DENND5B: variants seen among roughly 807,000 people sequenced by gnomAD.
DENND5B encodes DENN domain containing 5B.
A neutral mutation model predicts 140.6 loss-of-function variants in DENND5B; 34 were observed. The ratio of observed to expected loss-of-function variants is 0.24; its 90% confidence interval spans 0.18 to 0.32. The LOEUF (loss-of-function observed/expected upper bound fraction) is 0.32, where lower values mean the gene tolerates loss of function less well. Among genes scored for constraint, DENND5B ranks in the 10% least tolerant of loss-of-function variants. DENND5B has a pLI of 1.00. For missense variants in DENND5B, 1,142 were observed against 1,560.2 expected (o/e 0.73, Z 4.52); for synonymous variants, 551 against 562.1 (o/e 0.98, Z 0.28).
rs539938406 is a variant in DENND5B at position 31,554,999 on chromosome 12, T to C, written c.127+35707A>G. On this transcript the variant is annotated intron_variant, in intron 1 of 20. Coordinates refer to ENST00000389082, the MANE Select transcript of DENND5B (RefSeq NM_144973.4). ...AGCTTTTAACTTCTTTGCCATTGGT[T>C]TGAACTTCCTCCTGTAGCTCAGAGT... Among the ~76,000 whole-genome samples, 12 of 152,356 alleles carry C rather than the reference T, an allele frequency of 7.9e-5. No homozygotes were observed. The East Asian group carries it at 1.3e-3, about 17-fold the overall frequency.
intron 8 of DENND5B, chr12:31,432,000 T>C: frequency 5.4e-6 from 5 of 934,076 alleles, no homozygotes; most frequent in South Asian, 4.9e-5. Context: ...AAAGACAAGA[T>C]TGGGGGAACA....
rs1028055458 is a variant in DENND5B, at chr12:31,591,004, G to A, written c.-172C>T. On this transcript the variant is annotated 5_prime_UTR_variant, in exon 1 of 21. Transcript: ENST00000389082. ...CGCAGCCTGCCTCCTCGCTCGGCGCGGGGGAAGCGGCCGCGGGCTCGCGCG... is the reference window on the plus strand; with the variant it reads ...CGCAGCCTGCCTCCTCGCTCGGCGCAGGGGAAGCGGCCGCGGGCTCGCGCG... The A allele has an allele frequency of 2.8e-6, 2 of 712,512 alleles. No individual in the cohort carries two copies. The highest frequency in any genetic ancestry group is 3.5e-6 in the Non-Finnish European group (2 of 576,010). The allele number at this position is 712,512 out of a possible 1,614,324, so 44.1% of individuals were successfully genotyped here. A position where few individuals can be genotyped will look rare whatever the true frequency, so the allele number is the denominator to read the frequency against.
intron 1 of DENND5B, among the ~76,000 whole-genome samples, chr12:31,518,154 C>T (rs992083307): frequency 6.6e-6 from 1 of 152,252 alleles, no homozygotes; most frequent in African/African-American, 2.4e-5. Flanking sequence ...CACAGCTCAT[C>T]TTTCCTCCTC....
chr12:31,500,519 A>C (rs925595795), intron 1 of DENND5B: 2 of 350,988 alleles, frequency 5.7e-6, no homozygotes, highest in African/African-American at 4.4e-5. Context: ...ATCTCTACTA[A>C]AAATACAAAA....
chr12:31,427,180 G>T (rs1943278081), intron 8 of DENND5B, among the ~76,000 whole-genome samples: 1 of 152,100 alleles, frequency 6.6e-6, no homozygotes, highest in Admixed American at 6.6e-5. Flanking sequence ...GGGGTTTGTG[G>T]TAACTCTAAG....
intron 1 of DENND5B, among the ~76,000 whole-genome samples, chr12:31,547,097 T>C (rs1006132374): frequency 1.3e-5 from 2 of 152,226 alleles, no homozygotes; most frequent in East Asian, 1.9e-4. Context: ...TTGCTTCCTA[T>C]CAGACAAGTT....
intron 3 of DENND5B, 58 bp from the exon 4 acceptor site, chr12:31,460,439 A>G (rs779476384): frequency 7.4e-5 from 112 of 1,522,876 alleles, no homozygotes; most frequent in Admixed American, 1.0e-4. Context: ...CAATCACTTC[A>G]TTAAGCTGGA....
intron 1 of DENND5B, among the ~76,000 whole-genome samples, chr12:31,504,486 A>C (rs1022439280): frequency 4.6e-5 from 7 of 152,186 alleles, no homozygotes; most frequent in African/African-American, 1.7e-4. Flanking sequence ...ACTGGTAGAG[A>C]TTTCTATAGC....
intron 1 of DENND5B, among the ~76,000 whole-genome samples, chr12:31,525,649 G>A (rs989768134): frequency 4.6e-5 from 7 of 152,094 alleles, no homozygotes; most frequent in Non-Finnish European, 8.8e-5. Context: ...GCTTTAAATG[G>A]TGCATTTGAT....
intron 11 of DENND5B, among the ~76,000 whole-genome samples, chr12:31,420,876 C>A (rs935289466): frequency 2.6e-5 from 4 of 152,176 alleles, no homozygotes; most frequent in Non-Finnish European, 5.9e-5. Context: ...ATCACTAGAT[C>A]AAAATTAATA....
intron 1 of DENND5B, among the ~76,000 whole-genome samples, chr12:31,527,977 A>C (rs1948146577): frequency 6.6e-6 from 1 of 152,208 alleles, no homozygotes; most frequent in Admixed American, 6.5e-5. Flanking sequence ...TGAAAAACAA[A>C]AAAGGTGAGG....
rs374313548 is a variant in DENND5B at position 31,424,705 on chromosome 12, A to G, written c.2239-18T>C. ...CGCTTTGTCTAAGAATATCACGTGT[A>G]GTCATAAGGCACCCCAGCAGTGAAA... On this transcript the variant is annotated intron_variant, in intron 9 of 20. Coordinates refer to ENST00000389082, the MANE Select transcript of DENND5B (RefSeq NM_144973.4). The G allele has an allele frequency of 1.2e-6, 2 of 1,612,736 alleles. No homozygotes were observed. The highest frequency in any genetic ancestry group is 2.2e-5 in the East Asian group (1 of 44,872).
chr12:31,555,169 T>C (rs148585449), intron 1 of DENND5B, among the ~76,000 whole-genome samples: 20,433 of 152,198 alleles, frequency 0.13, 1,622 homozygotes, highest in Non-Finnish European at 0.18. Flanking sequence ...GCTGTTTTTT[T>C]CCCATCTTTG....
chr12:31,428,489 C>A (rs2137775375), intron 8 of DENND5B, among the ~76,000 whole-genome samples: 1 of 152,236 alleles, frequency 6.6e-6, no homozygotes, highest in East Asian at 1.9e-4. Context: ...GCTACCTCTG[C>A]CTCCCAGGTG....
chr12:31,410,087 C>G lies in DENND5B; in HGVS notation c.2682-703G>C, dbSNP rs1020224578. ...CCTAATAATTAAGGAAAAAATGCAT[C>G]TATTTTATCTATCAAACTAATAAAG... On this transcript the variant is annotated intron_variant, in intron 13 of 20. Coordinates refer to ENST00000389082, the MANE Select transcript of DENND5B (RefSeq NM_144973.4). Among the ~76,000 whole-genome samples the G allele has an allele frequency of 2.0e-5, 3 of 152,262 alleles. No individual in the cohort carries two copies. In the East Asian group the frequency reaches 5.8e-4, roughly 29 times the overall value.
Position 31,402,648 on chromosome 12 carries a change from A to C in DENND5B, c.2804-5T>G. ...TCACTGACCTATACGGAATCACTGAAAGAAAAATGCAGAAATTAATTAAAA... is the reference window on the plus strand; with the variant it reads ...TCACTGACCTATACGGAATCACTGACAGAAAAATGCAGAAATTAATTAAAA... On this transcript the variant is annotated splice_polypyrimidine_tract_variant and splice_region_variant and intron_variant, in intron 14 of 20. Coordinates refer to ENST00000389082, the MANE Select transcript of DENND5B (RefSeq NM_144973.4). 2.5e-6 allele frequency: 4 copies of C among 1,588,490 alleles called. No individual in the cohort carries two copies. The highest frequency in any genetic ancestry group is 3.4e-6 in the Non-Finnish European group (4 of 1,168,588).
intron 1 of DENND5B, among the ~76,000 whole-genome samples, chr12:31,524,624 G>T (rs530796020): frequency 6.6e-6 from 1 of 152,162 alleles, no homozygotes; most frequent in Admixed American, 6.5e-5. Flanking sequence ...TTGCACTCCA[G>T]CCTCGGCGAC....
intron 1 of DENND5B, among the ~76,000 whole-genome samples, chr12:31,537,416 A>G (rs1948542009): frequency 6.6e-6 from 1 of 152,176 alleles, no homozygotes; most frequent in Non-Finnish European, 1.5e-5. Context: ...AATAGGTTAT[A>G]AGATAGTATT....
At chr12:31,590,453 C>A (rs1030599107) in intron 1 of DENND5B, 4 of 330,018 alleles carry the variant, frequency 1.2e-5, no homozygotes, top group Non-Finnish European at 2.1e-5. Flanking sequence ...GCCCTTGGGG[C>A]CACCCCCGCG....
Sources: gnomAD v4.1 joint callset for allele counts (sites outside exome capture counted in the v4.1 genomes callset) on GRCh38, gnomAD v4.1.1 for gene constraint, MANE v1.5 for transcripts, NCBI Gene and HGNC (gene_info 2026-07-23, HGNC 2026-07-21) for gene names.